The following TRAPPC8 variants were observed in gnomAD, a reference collection of about 807,000 sequenced individuals.
TRAPPC8 encodes trafficking protein particle complex subunit 8.
Under a neutral mutation model 174.3 loss-of-function variants are expected in TRAPPC8, and 54 were observed. The observed-to-expected ratio is 0.31, with a 90% CI of 0.25 to 0.39. TRAPPC8 has a LOEUF of 0.39. TRAPPC8 is among the 10% of genes least tolerant of loss of function. The pLI is 1.00. For synonymous variants in TRAPPC8, 630 were observed against 579.9 expected (o/e 1.09, Z -1.24); for missense variants, 1,531 against 1,699.1 (o/e 0.90, Z 1.74).
chr18:31,941,306 G>A (rs989669947), intron 1 of TRAPPC8, among the ~76,000 whole-genome samples: 1 of 152,176 alleles, frequency 6.6e-6, no homozygotes, highest in Middle Eastern at 3.2e-3. Flanking sequence ...ATCCGAGTAT[G>A]GTGGCGCATG....
chr18:31,838,993 C>T lies in TRAPPC8; in HGVS notation c.3983+319G>A, dbSNP rs117311042. Reference sequence around the variant, plus strand: ...AGATTGTTTCTAATAGGCTTCTCTCCATCTTTTATTTGCAAAACTGGCAAA... The same window carrying T: ...AGATTGTTTCTAATAGGCTTCTCTCTATCTTTTATTTGCAAAACTGGCAAA... On this transcript the variant is annotated intron_variant, in intron 27 of 28. Coordinates refer to ENST00000283351, the MANE Select transcript of TRAPPC8 (RefSeq NM_014939.5). Among the ~76,000 whole-genome samples, 8 of 152,254 alleles carry T rather than the reference C, an allele frequency of 5.3e-5. No individual in the cohort carries two copies. The East Asian group carries it at 1.5e-3, about 29-fold the overall frequency.
At chr18:31,899,216 A>G (rs2036305813) in intron 10 of TRAPPC8, among the ~76,000 whole-genome samples, 1 of 152,104 alleles carries the variant, frequency 6.6e-6, no homozygotes, top group African/African-American at 2.4e-5. Context: ...CTTAACACTT[A>G]TTTTACTTAT....
At position 31,897,815 on chromosome 18, in the gene TRAPPC8, C is replaced by A. The variant is rs1187341046; in HGVS notation, c.1567G>T (p.Ala523Ser). The A allele has an allele frequency of 6.2e-7, 1 of 1,611,198 alleles. No homozygotes were observed. The highest frequency in any genetic ancestry group is 1.1e-5 in the South Asian group (1 of 90,606). ...LKSQSKYSEAAALLIRLTSED... is the reference protein window; with the variant it reads ...LKSQSKYSEASALLIRLTSED... ...CTGGTCAACCGTATTAGGAGAGCTG[C>A]AGCCTCTGAATATTTGCTTTGGCTT... is the stretch of plus-strand genomic sequence containing the variant. Residue 523 changes from alanine to serine, a missense_variant, in exon 11 of 29, where the codon GCA (alanine) becomes TCA (serine). By Grantham distance (99) the Ala-to-Ser change is moderately conservative. Transcript: ENST00000283351.
intron 2 of TRAPPC8, 28 bp from the exon 3 acceptor site, chr18:31,917,695 A>G: frequency 6.3e-7 from 1 of 1,577,442 alleles, no homozygotes; most frequent in African/African-American, 1.4e-5. Context: ...CAAAACAGTT[A>G]AAAGTATTCA....
At chr18:31,918,996 C>T (rs2037262809) in intron 2 of TRAPPC8, among the ~76,000 whole-genome samples, 2 of 152,134 alleles carry the variant, frequency 1.3e-5, no homozygotes, top group African/African-American at 4.8e-5. Context: ...TATATTCTTT[C>T]TGCTTATATT....
At chr18:31,923,360 G>A (rs767975474) in intron 2 of TRAPPC8, among the ~76,000 whole-genome samples, 6 of 152,104 alleles carry the variant, frequency 3.9e-5, no homozygotes, top group Admixed American at 6.6e-5. Flanking sequence ...AGAAATCCCT[G>A]TATATAACAG....
At chr18:31,875,985 C>G (rs978310569) in intron 12 of TRAPPC8, among the ~76,000 whole-genome samples, 2 of 152,018 alleles carry the variant, frequency 1.3e-5, no homozygotes, top group Admixed American at 1.3e-4. Flanking sequence ...TAAGACCTAG[C>G]GTTAGACAGA....
chr18:31,940,823 T>C (rs1283800281), intron 1 of TRAPPC8, among the ~76,000 whole-genome samples: 1 of 152,126 alleles, frequency 6.6e-6, no homozygotes, highest in African/African-American at 2.4e-5. Context: ...TACCTGTGAC[T>C]CACATTATAT....
At chr18:31,885,152 C>A (rs2035646446) in intron 12 of TRAPPC8, among the ~76,000 whole-genome samples, 1 of 152,152 alleles carries the variant, frequency 6.6e-6, no homozygotes, top group Non-Finnish European at 1.5e-5. Context: ...CCACCGTACC[C>A]AGCCAAAATT....
At chr18:31,915,469 A>AAG (rs1555678148) in intron 4 of TRAPPC8, among the ~76,000 whole-genome samples, 25 of 98,848 alleles carry the variant, frequency 2.5e-4, no homozygotes, top group South Asian at 4.4e-4. Context: ...TCAAAAAAAA[A>AAG]GGGGGGGGGG....
chr18:31,940,173 A>C (rs1175892859), intron 1 of TRAPPC8, among the ~76,000 whole-genome samples: 1 of 152,242 alleles, frequency 6.6e-6, no homozygotes, highest in African/African-American at 2.4e-5. Context: ...GTTAAATAAA[A>C]TACAGTATTA....
intron 25 of TRAPPC8, among the ~76,000 whole-genome samples, chr18:31,848,676 T>C (rs1022815671): frequency 1.3e-5 from 2 of 152,316 alleles, no homozygotes; most frequent in Non-Finnish European, 2.9e-5. Flanking sequence ...TTAAAATACA[T>C]GTATTGATCA....
chr18:31,883,719 T>C (rs1413306606), intron 12 of TRAPPC8: 1 of 152,144 alleles, frequency 6.6e-6, no homozygotes, highest in African/African-American at 2.4e-5. Context: ...AACAGGTATC[T>C]CAAATAGAGA....
chr18:31,939,943 G>T (rs2038258977), intron 1 of TRAPPC8, among the ~76,000 whole-genome samples: 1 of 152,132 alleles, frequency 6.6e-6, no homozygotes, highest in South Asian at 2.1e-4. Context: ...AATCAGAAGT[G>T]TACTGACAAT....
At chr18:31,875,513 C>T (rs1054166211) in intron 12 of TRAPPC8, among the ~76,000 whole-genome samples, 11 of 152,206 alleles carry the variant, frequency 7.2e-5, no homozygotes, top group African/African-American at 2.6e-4. Context: ...TGGGCTAGGA[C>T]AGCAGCACAG....
intron 12 of TRAPPC8, among the ~76,000 whole-genome samples, chr18:31,877,296 T>C (rs2035203992): frequency 6.6e-6 from 1 of 152,114 alleles, no homozygotes; most frequent in South Asian, 2.1e-4. Context: ...TTTCATGCTT[T>C]TTGTGGTGGC....
Position 31,849,587 on chromosome 18 carries a change from C to G in TRAPPC8, c.3714G>C (p.Leu1238Phe). The G allele has an allele frequency of 6.2e-7, 1 of 1,608,320 alleles. No individual in the cohort carries two copies. The highest frequency in any genetic ancestry group is 8.5e-7 in the Non-Finnish European group (1 of 1,177,798). Reference protein sequence around the residue: ...RLIQKCSEVDLNIVILWKAYV... With the variant: ...RLIQKCSEVDFNIVILWKAYV... ...ATACCTTCCATAATATGACAATATT[C>G]AAATCTACCTCACTGCATTTTTGAA... The change falls in exon 25 of 29, where the codon TTG becomes TTC. Residue 1238 changes from leucine to phenylalanine, a missense_variant. Leu to Phe is a conservative substitution (Grantham distance 22). Transcript: ENST00000283351.
chr18:31,852,569 A>G (rs2033768536), intron 23 of TRAPPC8, 26 bp downstream of exon 23: 1 of 1,613,854 alleles, frequency 6.2e-7, no homozygotes, highest in Non-Finnish European at 8.5e-7. Context: ...ACCATTTAGT[A>G]AAGTGTAAAA....
chr18:31,849,443 G>T, intron 25 of TRAPPC8, 123 bp downstream of exon 25: 2 of 880,636 alleles, frequency 2.3e-6, no homozygotes, highest in Non-Finnish European at 3.1e-6. Flanking sequence ...AACTGTTAAA[G>T]TTTCAATATT....
Sources: gnomAD v4.1 joint callset for allele counts (sites outside exome capture counted in the v4.1 genomes callset) on GRCh38, gnomAD v4.1.1 for gene constraint, MANE v1.5 for transcripts, NCBI Gene and HGNC (gene_info 2026-07-23, HGNC 2026-07-21) for gene names.